MKS1: variants seen among roughly 807,000 people sequenced by gnomAD.
MKS1 encodes tectonic-like complex member MKS1.
MKS1 carries 70 observed loss-of-function variants against 83.7 expected under a neutral mutation model. The ratio of observed to expected loss-of-function variants is 0.84; its 90% CI spans 0.69 to 1.02. MKS1 has a LOEUF of 1.02. Ranked by LOEUF, MKS1 falls within the 50% of genes least tolerant of loss-of-function variation. The pLI is 0.00. For synonymous variants in MKS1, 251 were observed against 273.4 expected (o/e 0.92, Z 0.81); for missense variants, 681 against 726.9 (o/e 0.94, Z 0.73).
chr17:58,209,338 G>A lies in MKS1; in HGVS notation c.1025-755C>T, dbSNP rs1203026078. Among the ~76,000 whole-genome samples, 1 of 152,120 alleles carries A rather than the reference G, an allele frequency of 6.6e-6. No homozygotes were observed. The highest frequency in any genetic ancestry group is 1.5e-5 in the Non-Finnish European group (1 of 68,028). The stretch of plus-strand genomic sequence containing the variant: ...TGCTATGTGCTAGTATATCTTAGGG[G>A]TATCTTGGTAACTAGATAGAAAAGA... On this transcript the variant is annotated intron_variant, in intron 11 of 17. Transcript: ENST00000393119. The surrounding 1 kb of genome is among the most constrained non-coding windows in gnomAD (Gnocchi z 4.1).
intron 14 of MKS1, 39 bp downstream of exon 14, chr17:58,207,855 G>T: frequency 6.5e-7 from 1 of 1,540,382 alleles, no homozygotes; most frequent in South Asian, 1.1e-5. Context: ...TTAGGGCCTA[G>T]GGCATGTGGG....
chr17:58,206,153 G>A lies in MKS1; in HGVS notation c.1606C>T (p.Arg536Trp), dbSNP rs768171144. Reference sequence around the variant, plus strand: ...TCCCGGGCCTCCTGCATGCGGCGCCGGGCTCGACGGAAGGCCTCTGTAAGG... The same window carrying A: ...TCCCGGGCCTCCTGCATGCGGCGCCAGGCTCGACGGAAGGCCTCTGTAAGG... ...HNVLEAFRRARRRMQEARESL... is the reference protein window; with the variant it reads ...HNVLEAFRRAWRRMQEARESL... The change falls in exon 18 of 18, where the codon CGG becomes TGG. Residue 536 changes from arginine (R) to tryptophan (W), a missense_variant. By Grantham distance (101) the Arg-to-Trp change is moderately radical. Transcript: ENST00000393119. The A allele has an allele frequency of 7.4e-6, 12 of 1,613,686 alleles. No homozygotes were observed. The African/African-American group carries it at 9.3e-5, about 13-fold the overall frequency.
Position 58,205,794 on chromosome 17 carries a change from C to T in MKS1, c.*285G>A. On this transcript the variant is annotated 3_prime_UTR_variant, in exon 18 of 18. Transcript: ENST00000393119. Reference sequence around the variant, plus strand: ...GTCAAGGCCAGACTCACTATGGGGTCACCCCAAACAGCTTCAGATCAAAAA... The same window carrying T: ...GTCAAGGCCAGACTCACTATGGGGTTACCCCAAACAGCTTCAGATCAAAAA... 1 of 1,432,220 alleles carries T rather than the reference C, an allele frequency of 7.0e-7. No individual in the cohort carries two copies. The highest frequency in any genetic ancestry group is 1.3e-5 in the South Asian group (1 of 75,874). 88.7% of individuals were successfully genotyped at this position (1,432,220 alleles called of 1,614,324 possible).
intron 7 of MKS1, 53 bp downstream of exon 7, chr17:58,213,712 G>T (rs1390082607): frequency 8.7e-6 from 12 of 1,385,096 alleles, no homozygotes; most frequent in Non-Finnish European, 1.2e-5. Context: ...GACAAAAAGT[G>T]CAACCAAGGG....
intron 3 of MKS1, 32 bp downstream of exon 3, chr17:58,216,634 A>G: frequency 6.2e-7 from 1 of 1,608,636 alleles, no homozygotes; most frequent in Non-Finnish European, 8.5e-7. Context: ...ACCAGATGGA[A>G]TAGACAGAGA....
intron 4 of MKS1, chr17:58,215,544 C>T (rs1448703283): frequency 1.2e-5 from 2 of 171,534 alleles, no homozygotes; most frequent in Non-Finnish European, 2.5e-5. Context: ...AAAATAGGCT[C>T]TACCCTCGAG....
chr17:58,213,160 C>T, intron 7 of MKS1, 70 bp from the exon 8 acceptor site: 1 of 1,468,770 alleles, frequency 6.8e-7, no homozygotes, highest in East Asian at 2.3e-5. Context: ...AGCTCCCAGC[C>T]CAGGGATGAG....
chr17:58,214,320 G>A lies in MKS1; in HGVS notation c.583C>T (p.His195Tyr). ...GTCTGAAGAGGGGTGTTAATGACGT[G>A]GTTGTTCCTGACAAACTCTTCTGAG... ...EPSEEFVRNNHVINTPLQTMH... is the reference protein window; with the variant it reads ...EPSEEFVRNNYVINTPLQTMH... The change falls in exon 6 of 18, where the codon CAC (histidine) becomes TAC (tyrosine). Residue 195 changes from histidine to tyrosine, a missense_variant. His to Tyr is a moderately conservative substitution (Grantham distance 83). Around this residue, in one of 3 missense-constraint regions of MKS1, gnomAD observed 365 missense variants for 383.8 expected, o/e 0.95. Transcript: ENST00000393119. 2 of 1,614,072 alleles carry A rather than the reference G, an allele frequency of 1.2e-6. No individual in the cohort carries two copies. The highest frequency in any genetic ancestry group is 1.7e-6 in the Non-Finnish European group (2 of 1,180,026).
rs1969149468 is a variant in MKS1, at chr17:58,215,661, T to C, written c.417+427A>G. 11 of 201,284 alleles carry C rather than the reference T, an allele frequency of 5.5e-5. No individual in the cohort carries two copies. In the South Asian group the frequency reaches 1.1e-3, roughly 20 times the overall value. 12.5% of individuals were successfully genotyped at this position (201,284 alleles called of 1,614,324 possible). ...TTTTGTCATAGGCAAATTGAGGACA[T>C]AAGCCATTTTCCATAGCTATACTGA... On this transcript the variant is annotated intron_variant, in intron 4 of 17. Coordinates refer to ENST00000393119, the MANE Select transcript of MKS1 (RefSeq NM_017777.4).
chr17:58,215,882 G>T, intron 4 of MKS1: 1 of 619,470 alleles, frequency 1.6e-6, no homozygotes, highest in Non-Finnish European at 2.9e-6. Context: ...CCTCTAGCAG[G>T]CAGAGAAGGG....
Position 58,209,095 on chromosome 17 carries a change from CTCTT to C in MKS1, c.1025-516_1025-513del, listed in dbSNP as rs745699513. Among the ~76,000 whole-genome samples, 21 of 152,120 alleles carry C rather than the reference CTCTT, an allele frequency of 1.4e-4. No individual in the cohort carries two copies. The highest frequency in any genetic ancestry group is 8.5e-4 in the Admixed American group (13 of 15,276). On this transcript the variant is annotated intron_variant, in intron 11 of 17. Coordinates refer to ENST00000393119, the MANE Select transcript of MKS1 (RefSeq NM_017777.4). The surrounding 1 kb of genome is among the most constrained non-coding windows in gnomAD (Gnocchi z 4.1). ...CACAGACACAGTAACAATCTGATCT[CTCTT>C]TCTTTTCCCCACATTTCCCCCTTTT...
chr17:58,212,202 A>G (rs1230774609), intron 9 of MKS1, among the ~76,000 whole-genome samples, 176 bp downstream of exon 9: 1 of 152,220 alleles, frequency 6.6e-6, no homozygotes, highest in Admixed American at 6.5e-5. Flanking sequence ...ACAGTTCTCT[A>G]TCAACATGCA....
intron 7 of MKS1, among the ~76,000 whole-genome samples, chr17:58,213,346 C>T (rs766145909): frequency 6.6e-6 from 1 of 152,186 alleles, no homozygotes; most frequent in Non-Finnish European, 1.5e-5. Flanking sequence ...GCACAACATT[C>T]CTGCCACCCA....
At chr17:58,208,803 G>A (rs1597982585) in intron 11 of MKS1, among the ~76,000 whole-genome samples, 3 of 152,170 alleles carry the variant, frequency 2.0e-5, no homozygotes, top group African/African-American at 7.2e-5. Flanking sequence ...CTAGGCAGAG[G>A]TCCCTGCGGC....
chr17:58,219,072 C>A, intron 1 of MKS1, 79 bp downstream of exon 1: 1 of 1,524,282 alleles, frequency 6.6e-7, no homozygotes. Context: ...AAAGTGGGGA[C>A]CTCAGAACAC....
chr17:58,214,037 T>A (rs1969041043), intron 6 of MKS1, among the ~76,000 whole-genome samples, 168 bp from the exon 7 acceptor site: 1 of 152,036 alleles, frequency 6.6e-6, no homozygotes, highest in Admixed American at 6.6e-5. Flanking sequence ...AGTCCCTTCC[T>A]CTCCTATAAC....
chr17:58,214,180 T>C, intron 6 of MKS1, 79 bp downstream of exon 6: 1 of 1,599,698 alleles, frequency 6.3e-7, no homozygotes, highest in East Asian at 2.2e-5. Context: ...TAACCTAGGA[T>C]GATAATAACA....
At chr17:58,208,424 G>A in intron 12 of MKS1, 89 bp downstream of exon 12, 1 of 1,458,750 alleles carries the variant, frequency 6.9e-7, no homozygotes. Flanking sequence ...CCTCCCCAGG[G>A]CGCACAGCAC....
chr17:58,216,570 C>A (rs369081627), intron 3 of MKS1, 96 bp downstream of exon 3: 42 of 1,347,086 alleles, frequency 3.1e-5, no homozygotes, highest in African/African-American at 1.7e-4. Context: ...TAAACTGTTA[C>A]AACCTGTCTG....
Sources: gnomAD v4.1 joint callset for allele counts (sites outside exome capture counted in the v4.1 genomes callset) on GRCh38, gnomAD v4.1.1 for gene constraint, gnomAD v4.1.1 regional missense constraint, Gnocchi (gnomAD v3.1) non-coding constraint, MANE v1.5 for transcripts, NCBI Gene and HGNC (gene_info 2026-07-23, HGNC 2026-07-21) for gene names.